The following NEBL variants were observed in gnomAD, a reference collection of about 807,000 sequenced individuals.
NEBL encodes LIM and SH3 protein 2.
A neutral mutation model predicts 140.2 loss-of-function variants in NEBL; 122 were observed. The observed-to-expected ratio is 0.87, with a 90% CI of 0.75 to 1.01. The LOEUF is 1.01. NEBL is among the 50% of genes least tolerant of loss of function. The pLI is 0.00. For missense variants in NEBL, 1,365 were observed against 1,231.3 expected (o/e 1.11, Z -1.62); for synonymous variants, 436 against 398.9 (o/e 1.09, Z -1.11).
At chr10:20,918,728 A>G (rs1393318870) in intron 4 of NEBL, among the ~76,000 whole-genome samples, 3 of 150,676 alleles carry the variant, frequency 2.0e-5, no homozygotes, top group African/African-American at 7.3e-5. Flanking sequence ...GCGGGCGCCT[A>G]TAGTCCCAGC....
At chr10:21,277,619 G>C (rs565255372) in intron 1 of NEBL, among the ~76,000 whole-genome samples, 1 of 152,286 alleles carries the variant, frequency 6.6e-6, no homozygotes, top group East Asian at 1.9e-4. Context: ...CATACAGTTA[G>C]TCATTGGTGC....
intron 4 of NEBL, among the ~76,000 whole-genome samples, chr10:20,918,862 TTAAA>T (rs368628865): frequency 2.8e-4 from 42 of 151,364 alleles, no homozygotes; most frequent in Non-Finnish European, 4.7e-4. Flanking sequence ...AAAAAATAAA[TTAAA>T]TAAATAAATA....
intron 3 of NEBL, among the ~76,000 whole-genome samples, chr10:21,196,315 T>A (rs1410493480): frequency 1.5e-5 from 2 of 131,316 alleles, no homozygotes; most frequent in African/African-American, 7.3e-5. Context: ...ATTTTTATTT[T>A]TATTTATTTA....
In NEBL at chr10:20,974,759, C is replaced by T. The variant is rs113053520; in HGVS notation, c.250-12980G>A. 7.9e-4 allele frequency among the ~76,000 whole-genome samples: 120 copies of T among 152,208 alleles called. 1 individual carries two copies. The highest frequency in any genetic ancestry group is 2.7e-3 in the African/African-American group (112 of 41,526). On this transcript the variant is annotated intron_variant, in intron 3 of 6. Transcript: ENST00000417816. ...AACTAAGATAACTACTTAAAATGAC[C>T]TGTAAAATAACTGCAGTCTTAAAGC...
At chr10:20,910,771 AT>A (rs1848294082) in intron 4 of NEBL, among the ~76,000 whole-genome samples, 1 of 152,004 alleles carries the variant, frequency 6.6e-6, no homozygotes, top group South Asian at 2.1e-4. Context: ...CGAAAACCTC[AT>A]CTATTAACAA....
rs962798853 is a variant in NEBL at position 20,949,703 on chromosome 10, T to C, written c.357+11969A>G. On this transcript the variant is annotated intron_variant, in intron 4 of 6. Coordinates refer to the NEBL transcript ENST00000417816. Reference sequence around the variant, plus strand: ...CTATACTTGAACATTTGCAATGTTTTATATAGAATACTGTGGTTTGATTTC... The same window carrying C: ...CTATACTTGAACATTTGCAATGTTTCATATAGAATACTGTGGTTTGATTTC... Among the ~76,000 whole-genome samples the C allele has an allele frequency of 3.3e-5, 5 of 152,244 alleles. 1 individual carries two copies. The highest frequency in any genetic ancestry group is 6.5e-5 in the Admixed American group (1 of 15,284).
intron 3 of NEBL, among the ~76,000 whole-genome samples, chr10:20,980,871 C>A (rs557869027): frequency 1.8e-4 from 28 of 152,314 alleles, no homozygotes; most frequent in African/African-American, 6.0e-4. Context: ...TTCTAACAGG[C>A]AAGAATTTAA....
At chr10:21,174,904 T>C (rs2279311), upstream of NEBL, 46,582 of 152,150 alleles carry the variant, frequency 0.31, 8,827 homozygotes, top group East Asian at 0.58. Flanking sequence ...AATAAATGAA[T>C]ATGGCTCGTT....
At chr10:21,088,556 A>C (rs1177869276) in intron 2 of NEBL, among the ~76,000 whole-genome samples, 1 of 152,180 alleles carries the variant, frequency 6.6e-6, no homozygotes, top group Non-Finnish European at 1.5e-5. Flanking sequence ...TGGCCAAAGC[A>C]TGTCCTATGG....
chr10:21,232,595 C>T (rs548488537), intron 3 of NEBL, among the ~76,000 whole-genome samples: 11 of 152,238 alleles, frequency 7.2e-5, no homozygotes, highest in African/African-American at 2.6e-4. Flanking sequence ...AGCATGCAAC[C>T]TAGATCCTTC....
At chr10:21,190,795 A>G (rs190547151) in intron 3 of NEBL, among the ~76,000 whole-genome samples, 1 of 152,356 alleles carries the variant, frequency 6.6e-6, no homozygotes, top group East Asian at 1.9e-4. Context: ...GTAGAATAAA[A>G]CAAAATGCTA....
At chr10:20,818,145 T>C (rs983039385) in intron 20 of NEBL, among the ~76,000 whole-genome samples, 6 of 152,190 alleles carry the variant, frequency 3.9e-5, no homozygotes, top group African/African-American at 1.4e-4. Context: ...ATTATAAGGA[T>C]AAACAGTGTT....
intron 2 of NEBL, among the ~76,000 whole-genome samples, chr10:21,115,810 C>T (rs193048332): frequency 1.3e-3 from 194 of 152,016 alleles, no homozygotes; most frequent in African/African-American, 4.2e-3. Flanking sequence ...CTTCCCAATC[C>T]GCTCTTAATT....
intron 2 of NEBL, chr10:21,125,652 T>C (rs1838788261): frequency 2.0e-6 from 1 of 508,804 alleles, no homozygotes; most frequent in East Asian, 2.9e-5. Flanking sequence ...AAAAATAGTT[T>C]GATGGATTTG....
At chr10:20,890,417 G>T (rs1846933156) in intron 2 of NEBL, among the ~76,000 whole-genome samples, 1 of 152,192 alleles carries the variant, frequency 6.6e-6, no homozygotes, top group Non-Finnish European at 1.5e-5. Flanking sequence ...ATTAAATGGG[G>T]ATCACTATTA....
chr10:20,842,680 T>A (rs987486127), intron 12 of NEBL, among the ~76,000 whole-genome samples: 2 of 152,068 alleles, frequency 1.3e-5, no homozygotes, highest in African/African-American at 4.8e-5. Context: ...GTGGAATAAT[T>A]AAATCAATCT....
At chr10:21,210,977 T>A (rs933057860) in intron 3 of NEBL, among the ~76,000 whole-genome samples, 1 of 152,208 alleles carries the variant, frequency 6.6e-6, no homozygotes, top group African/African-American at 2.4e-5. Context: ...CTAGGTTCTT[T>A]GGAAACACTG....
intron 1 of NEBL, among the ~76,000 whole-genome samples, chr10:21,261,161 T>C (rs1842733779): frequency 6.6e-6 from 1 of 152,104 alleles, no homozygotes; most frequent in African/African-American, 2.4e-5. Context: ...CCCAGGGAAA[T>C]GGTGGGTAAC....
At chr10:21,024,793 ACT>A (rs1838956036) in intron 2 of NEBL, among the ~76,000 whole-genome samples, 1 of 149,606 alleles carries the variant, frequency 6.7e-6, no homozygotes, top group African/African-American at 2.5e-5. Flanking sequence ...CTCAACTTCC[ACT>A]CACCCACCAC....
Sources: allele counts gnomAD v4.1 joint callset (sites outside exome capture counted in the v4.1 genomes callset), GRCh38; gene constraint gnomAD v4.1.1; transcripts MANE v1.5; gene names NCBI Gene and HGNC (gene_info 2026-07-23, HGNC 2026-07-21).